The following DPP10 variants were observed in gnomAD, a reference collection of about 807,000 sequenced individuals.
DPP10 encodes dipeptidyl peptidase like 10.
In DPP10, 33 loss-of-function variants were observed where a neutral mutation model predicts 120.9. That is an observed-to-expected ratio of 0.27 (90% CI 0.21 to 0.37). DPP10 has a LOEUF of 0.37. Ranked by LOEUF, DPP10 falls within the 10% of genes least tolerant of loss-of-function variation. The probability of loss-of-function intolerance (pLI) is 1.00; values close to 1 mark genes in which losing one functional copy is unlikely to be tolerated. For missense variants in DPP10, 816 were observed against 942.8 expected (o/e 0.87, Z 1.76); for synonymous variants, 337 against 326.1 (o/e 1.03, Z -0.36).
At chr2:115,314,690 A>G (rs2061710761) in intron 2 of DPP10, among the ~76,000 whole-genome samples, 1 of 152,300 alleles carries the variant, frequency 6.6e-6, no homozygotes, top group Admixed American at 6.5e-5. Flanking sequence ...ATGTTGGGTA[A>G]TAACTTACCC....
At chr2:114,923,764 C>A (rs917457954) in intron 1 of DPP10, among the ~76,000 whole-genome samples, 8 of 152,028 alleles carry the variant, frequency 5.3e-5, no homozygotes, top group Non-Finnish European at 1.2e-4. Flanking sequence ...CCGCACCTGG[C>A]CTTTTTCACT....
chr2:114,831,916 A>G (rs1456941575), intron 1 of DPP10, among the ~76,000 whole-genome samples: 2 of 149,326 alleles, frequency 1.3e-5, no homozygotes, highest in Non-Finnish European at 3.0e-5. Context: ...TAAGAGGTTG[A>G]TGCTCTCTGT....
At chr2:114,860,201 C>G (rs963097286) in intron 1 of DPP10, among the ~76,000 whole-genome samples, 1 of 152,166 alleles carries the variant, frequency 6.6e-6, no homozygotes, top group African/African-American at 2.4e-5. Context: ...TAAATGTGGG[C>G]TCTATCTATC....
intron 1 of DPP10, among the ~76,000 whole-genome samples, chr2:114,567,618 A>T (rs1689304642): frequency 6.6e-6 from 1 of 152,178 alleles, no homozygotes; most frequent in African/African-American, 2.4e-5. Flanking sequence ...TAAAGCTACT[A>T]CATTTGTAGT....
rs1255227047 is a variant in DPP10, at chr2:114,748,338, C to CTTTT, written c.60+305509_60+305512dup. Among the ~76,000 whole-genome samples the CTTTT allele has an allele frequency of 2.6e-4, 18 of 70,264 alleles. 1 individual carries two copies. The highest frequency in any genetic ancestry group is 4.8e-4 in the South Asian group (1 of 2,086). The allele number at this position is 70,264 out of a possible 152,430, so 46.1% of individuals were successfully genotyped here. A position where few individuals can be genotyped will look rare whatever the true frequency, so the allele number is the denominator to read the frequency against. ...GTTCACGTAGGACAAAGGGAATTTT[C>CTTTT]TTTTTTTTTTTTATTTTTTTTTATT... On this transcript the variant is annotated intron_variant, in intron 1 of 25. Coordinates refer to ENST00000410059, the MANE Select transcript of DPP10 (RefSeq NM_020868.6).
intron 1 of DPP10, among the ~76,000 whole-genome samples, chr2:115,186,380 A>G (rs1475953352): frequency 6.6e-6 from 1 of 152,222 alleles, no homozygotes; most frequent in Non-Finnish European, 1.5e-5. Flanking sequence ...AGGAGACATG[A>G]TAGTCCTCTC....
chr2:115,365,894 C>T (rs1218241345), intron 3 of DPP10, among the ~76,000 whole-genome samples: 1 of 152,000 alleles, frequency 6.6e-6, no homozygotes, highest in East Asian at 1.9e-4. Context: ...AAAGCTGTGA[C>T]AGAGCTAGAT....
At chr2:115,465,947 C>T (rs2074300329) in intron 3 of DPP10, among the ~76,000 whole-genome samples, 1 of 152,130 alleles carries the variant, frequency 6.6e-6, no homozygotes, top group Non-Finnish European at 1.5e-5. Context: ...AATTAACTTT[C>T]ATAATAATTT....
intron 1 of DPP10, among the ~76,000 whole-genome samples, chr2:114,851,270 G>A (rs185940493): frequency 2.4e-4 from 37 of 152,152 alleles, no homozygotes; most frequent in African/African-American, 8.4e-4. Flanking sequence ...AGGGTTTAAC[G>A]ATTTCCTTAT....
At chr2:115,427,429 C>A (rs543009800) in intron 3 of DPP10, among the ~76,000 whole-genome samples, 1 of 152,238 alleles carries the variant, frequency 6.6e-6, no homozygotes, top group African/African-American at 2.4e-5. Context: ...CCTTCACTCT[C>A]GCAGGGTGCA....
intron 5 of DPP10, among the ~76,000 whole-genome samples, chr2:115,613,469 T>C (rs1399941616): frequency 6.6e-6 from 1 of 152,230 alleles, no homozygotes; most frequent in African/African-American, 2.4e-5. Context: ...TTGAGTTCTT[T>C]AGGGCTACTT....
chr2:115,099,507 G>A (rs1272631024), intron 1 of DPP10, among the ~76,000 whole-genome samples: 1 of 152,170 alleles, frequency 6.6e-6, no homozygotes, highest in African/African-American at 2.4e-5. Flanking sequence ...TAGCTTAAAT[G>A]TTAATGGGGC....
intron 1 of DPP10, among the ~76,000 whole-genome samples, chr2:114,699,668 A>G (rs917680569): frequency 1.3e-5 from 2 of 152,104 alleles, no homozygotes; most frequent in Non-Finnish European, 2.9e-5. Context: ...TTTACATGTT[A>G]AGACAAACAG....
intron 5 of DPP10, among the ~76,000 whole-genome samples, chr2:115,573,680 T>C (rs1461324744): frequency 3.5e-5 from 5 of 144,868 alleles, no homozygotes; most frequent in Admixed American, 7.2e-5. Flanking sequence ...CTCCGCCTCC[T>C]GGGTTTAAGC....
chr2:115,770,312 T>A (rs1016558607), intron 13 of DPP10, among the ~76,000 whole-genome samples: 1 of 152,106 alleles, frequency 6.6e-6, no homozygotes, highest in Non-Finnish European at 1.5e-5. Context: ...CAAACCAGCC[T>A]AATATGTAGG....
chr2:115,110,356 G>C (rs1260125082), intron 1 of DPP10, among the ~76,000 whole-genome samples: 3 of 152,100 alleles, frequency 2.0e-5, no homozygotes, highest in Non-Finnish European at 4.4e-5. Flanking sequence ...AGGACAAAAA[G>C]ACATTTTCCC....
chr2:115,265,782 G>A (rs957396820), intron 1 of DPP10, among the ~76,000 whole-genome samples: 2 of 151,866 alleles, frequency 1.3e-5, no homozygotes, highest in African/African-American at 4.8e-5. Context: ...AAGTGCTGAA[G>A]TGTTTAGAAA....
rs534411350 is a variant in DPP10, at chr2:115,352,426, C to T, written c.271+8514C>T. Among the ~76,000 whole-genome samples, 3 of 152,236 alleles carry T rather than the reference C, an allele frequency of 2.0e-5. No individual in the cohort carries two copies. The East Asian group carries it at 5.8e-4, about 29-fold the overall frequency. On this transcript the variant is annotated intron_variant, in intron 3 of 25. Coordinates refer to ENST00000410059, the MANE Select transcript of DPP10 (RefSeq NM_020868.6). Reference sequence around the variant, plus strand: ...GTAAAATATCTGGTGTCCTCATAGTCCTTTGATATTCTATACAATTGTTGG... The same window carrying T: ...GTAAAATATCTGGTGTCCTCATAGTTCTTTGATATTCTATACAATTGTTGG...
At chr2:115,769,593 A>G (rs990608002) in intron 13 of DPP10, among the ~76,000 whole-genome samples, 1 of 152,024 alleles carries the variant, frequency 6.6e-6, no homozygotes, top group African/African-American at 2.4e-5. Flanking sequence ...TTAAGGTGGA[A>G]AAACAGGTTA....
Sources: gnomAD v4.1 joint callset for allele counts (sites outside exome capture counted in the v4.1 genomes callset) on GRCh38, gnomAD v4.1.1 for gene constraint, MANE v1.5 for transcripts, NCBI Gene and HGNC (gene_info 2026-07-23, HGNC 2026-07-21) for gene names.